PTPRN2: variants seen among roughly 807,000 people sequenced by gnomAD.
PTPRN2 encodes receptor-type tyrosine-protein phosphatase N2.
PTPRN2 carries 74 observed loss-of-function variants against 118.8 expected under a neutral mutation model. The ratio of observed to expected loss-of-function variants is 0.62; its 90% CI spans 0.52 to 0.76. PTPRN2 has a LOEUF of 0.76. Ranked by LOEUF, PTPRN2 falls within the 30% of genes least tolerant of loss-of-function variation. The pLI is 0.00. For missense variants in PTPRN2, 1,481 were observed against 1,394.4 expected (o/e 1.06, Z -0.99); for synonymous variants, 641 against 608.0 (o/e 1.05, Z -0.80).
chr7:158,071,696 T>TGTGGTGATGGAGGTGCTTGTG (rs1811787898), intron 11 of PTPRN2, among the ~76,000 whole-genome samples: 8 of 40,970 alleles, frequency 2.0e-4, no homozygotes, highest in Non-Finnish European at 3.7e-4. Flanking sequence ...TGGAGGTGCT[T>TGTGGTGATGGAGGTGCTTGTG]GTGGTGGAGG....
intron 11 of PTPRN2, among the ~76,000 whole-genome samples, chr7:158,072,136 G>T (rs1170987690): frequency 7.0e-6 from 1 of 143,564 alleles, no homozygotes; most frequent in Non-Finnish European, 1.5e-5. Context: ...GCTCATGTAG[G>T]ATCTAAATGC....
intron 3 of PTPRN2, among the ~76,000 whole-genome samples, chr7:158,283,019 C>T (rs140660375): frequency 3.3e-5 from 5 of 152,268 alleles, no homozygotes; most frequent in African/African-American, 1.2e-4. Context: ...CAGCCGGACA[C>T]AGATGGCTGA....
At chr7:158,191,879 G>A (rs1445907557) in intron 5 of PTPRN2, among the ~76,000 whole-genome samples, 1 of 152,106 alleles carries the variant, frequency 6.6e-6, no homozygotes, top group East Asian at 1.9e-4. Context: ...CGGGGAGCAG[G>A]AGCTTTCCTT....
intron 12 of PTPRN2, among the ~76,000 whole-genome samples, chr7:157,804,769 A>G (rs756823740): frequency 2.6e-5 from 4 of 152,158 alleles, no homozygotes; most frequent in Non-Finnish European, 4.4e-5. Flanking sequence ...CTGACTCTTG[A>G]CAGATGATTT....
chr7:158,283,358 A>T (rs1799557763), intron 3 of PTPRN2, among the ~76,000 whole-genome samples: 1 of 152,174 alleles, frequency 6.6e-6, no homozygotes, highest in Admixed American at 6.5e-5. Flanking sequence ...TGCAGTTCAC[A>T]CCGTCTGCCA....
intron 3 of PTPRN2, among the ~76,000 whole-genome samples, chr7:158,227,120 G>A (rs1414831358): frequency 1.3e-5 from 2 of 152,126 alleles, no homozygotes; most frequent in African/African-American, 2.4e-5. Flanking sequence ...AATGGGAGGA[G>A]GGAGGTCAGT....
In PTPRN2 at chr7:158,092,496, T is replaced by C. The variant is rs891805728; in HGVS notation, c.1644-11119A>G. ...GGTTTGGTGGATAGAGATATGTATA[T>C]ATTTATTGCTTATATTAATTCAAAC... On this transcript the variant is annotated intron_variant, in intron 10 of 22. Coordinates refer to ENST00000389418, the MANE Select transcript of PTPRN2 (RefSeq NM_002847.5). Among the ~76,000 whole-genome samples the C allele has an allele frequency of 9.9e-5, 15 of 152,066 alleles. 1 individual carries two copies. The highest frequency in any genetic ancestry group is 3.4e-4 in the African/African-American group (14 of 41,448).
At chr7:158,059,485 C>T (rs1290908189) in intron 11 of PTPRN2, among the ~76,000 whole-genome samples, 1 of 124,774 alleles carries the variant, frequency 8.0e-6, no homozygotes, top group Non-Finnish European at 1.6e-5. Context: ...CACATCACTG[C>T]AGCCACACTC....
At chr7:157,817,941 T>A (rs904663389) in intron 12 of PTPRN2, among the ~76,000 whole-genome samples, 1 of 151,934 alleles carries the variant, frequency 6.6e-6, no homozygotes, top group Non-Finnish European at 1.5e-5. Flanking sequence ...GTATGGTGTA[T>A]ATGTGTGTTA....
intron 10 of PTPRN2, among the ~76,000 whole-genome samples, chr7:158,096,083 T>G (rs189838679): frequency 9.9e-5 from 15 of 152,092 alleles, no homozygotes; most frequent in Admixed American, 3.3e-4. Context: ...AATTAGAGTG[T>G]TTTTTTTCCT....
At chr7:157,582,057 G>T (rs1800412220) in intron 17 of PTPRN2, among the ~76,000 whole-genome samples, 1 of 152,212 alleles carries the variant, frequency 6.6e-6, no homozygotes, top group South Asian at 2.1e-4. Flanking sequence ...AGACTACCAG[G>T]CTCCAGAACT....
At chr7:158,571,521 ATTTCTTTTT>A (rs1230981819) in intron 1 of PTPRN2, among the ~76,000 whole-genome samples, 1 of 119,666 alleles carries the variant, frequency 8.4e-6, no homozygotes, top group Non-Finnish European at 1.7e-5. Flanking sequence ...ACACACACCT[ATTTCTTTTT>A]TTTTTTTTTT....
chr7:158,060,451 T>G (rs1316473752), intron 11 of PTPRN2, among the ~76,000 whole-genome samples: 1 of 152,226 alleles, frequency 6.6e-6, no homozygotes, highest in Non-Finnish European at 1.5e-5. Flanking sequence ...TGGCGGCACC[T>G]CTCCGTCTCT....
intron 21 of PTPRN2, among the ~76,000 whole-genome samples, chr7:157,565,225 G>A (rs1486751618): frequency 6.6e-6 from 1 of 152,232 alleles, no homozygotes. Flanking sequence ...CTATGCCCGT[G>A]TGGACACCCC....
intron 11 of PTPRN2, among the ~76,000 whole-genome samples, chr7:157,984,239 C>G (rs990996894): frequency 1.4e-5 from 2 of 144,174 alleles, no homozygotes; most frequent in African/African-American, 5.1e-5. Context: ...CGCCCCACGC[C>G]AGGCTCCACC....
chr7:157,917,085 G>C (rs1798443719), intron 11 of PTPRN2, among the ~76,000 whole-genome samples: 6 of 149,466 alleles, frequency 4.0e-5, no homozygotes, highest in Admixed American at 4.0e-4. Flanking sequence ...ATGCACCCCG[G>C]CCACTCCAGG....
intron 11 of PTPRN2, among the ~76,000 whole-genome samples, chr7:157,920,344 G>A (rs757628141): frequency 6.6e-6 from 1 of 152,156 alleles, no homozygotes; most frequent in Non-Finnish European, 1.5e-5. Context: ...AAACTTTGAG[G>A]AATAAAAGAT....
At chr7:158,299,187 C>A (rs1800701426) in intron 3 of PTPRN2, among the ~76,000 whole-genome samples, 2 of 152,154 alleles carry the variant, frequency 1.3e-5, no homozygotes, top group South Asian at 4.1e-4. Context: ...ATTCCCGAGA[C>A]AAATCTCAGT....
intron 11 of PTPRN2, among the ~76,000 whole-genome samples, chr7:157,969,884 G>A (rs1802200563): frequency 6.6e-6 from 1 of 152,040 alleles, no homozygotes; most frequent in Admixed American, 6.5e-5. Flanking sequence ...AGGGTCTTGG[G>A]GGAAATTCCC....
Sources: gnomAD v4.1 joint callset for allele counts (sites outside exome capture counted in the v4.1 genomes callset) on GRCh38, gnomAD v4.1.1 for gene constraint, MANE v1.5 for transcripts, NCBI Gene and HGNC (gene_info 2026-07-23, HGNC 2026-07-21) for gene names.